IGF2BP1: variants seen among roughly 807,000 people sequenced by gnomAD.
IGF2BP1 encodes insulin-like growth factor 2 mRNA-binding protein 1.
Under a neutral mutation model 74.9 loss-of-function variants are expected in IGF2BP1, and 11 were observed. The observed-to-expected ratio is 0.15, with a 90% CI of 0.09 to 0.24. The LOEUF (loss-of-function observed/expected upper bound fraction) is 0.24. Among genes scored for constraint, IGF2BP1 ranks in the 10% least tolerant of loss-of-function variants. IGF2BP1 has a pLI of 1.00. For synonymous variants in IGF2BP1, 287 were observed against 281.8 expected, an observed-to-expected ratio of 1.02 and a Z score of -0.18; for missense variants, 440 against 757.4, an observed-to-expected ratio of 0.58 and a Z score of 4.92.
intron 14 of IGF2BP1, among the ~76,000 whole-genome samples, chr17:49,046,741 G>C (rs2042112041): frequency 1.3e-5 from 2 of 151,784 alleles, no homozygotes; most frequent in Non-Finnish European, 2.9e-5. Context: ...GATTAGTTTT[G>C]TTCATGGAAT....
At chr17:49,005,093 G>C (rs1171132255) in intron 2 of IGF2BP1, among the ~76,000 whole-genome samples, 3 of 152,158 alleles carry the variant, frequency 2.0e-5, no homozygotes, top group African/African-American at 7.2e-5. Context: ...ATTTATTGCA[G>C]AGCCTGCTTT....
chr17:49,043,931 T>TG (rs1258322799), intron 10 of IGF2BP1, 36 bp from the exon 11 acceptor site: 1 of 1,609,356 alleles, frequency 6.2e-7, no homozygotes, highest in South Asian at 1.1e-5. Context: ...CCATGCTACT[T>TG]GGGCCCCCTG....
At position 49,025,304 on chromosome 17, in the gene IGF2BP1, GACAA is replaced by G. The variant is rs1211737019; in HGVS notation, c.237-308_237-305del. Among the ~76,000 whole-genome samples the G allele has an allele frequency of 5.2e-4, 74 of 143,072 alleles. 1 individual carries two copies. The highest frequency in any genetic ancestry group is 4.1e-3 in the East Asian group (20 of 4,838). 93.9% of individuals were successfully genotyped at this position (143,072 alleles called of 152,430 possible). A position where few individuals can be genotyped will look rare whatever the true frequency, so the allele number is the denominator to read the frequency against. On this transcript the variant is annotated intron_variant, in intron 2 of 14. Coordinates refer to ENST00000290341, the MANE Select transcript of IGF2BP1 (RefSeq NM_006546.4). ...GAATAAAGGAATGAGAAAGTGGTGG[GACAA>G]ACAAAGTGTGTGTGTGTGTGTGTGT...
At chr17:49,016,785 G>A (rs1311186171) in intron 2 of IGF2BP1, among the ~76,000 whole-genome samples, 4 of 139,414 alleles carry the variant, frequency 2.9e-5, no homozygotes, top group South Asian at 4.9e-4. Context: ...TCGACAGCCC[G>A]CCAGCCCGCC....
chr17:49,001,394 C>T (rs988517875), intron 2 of IGF2BP1, among the ~76,000 whole-genome samples: 1 of 152,102 alleles, frequency 6.6e-6, no homozygotes, highest in Non-Finnish European at 1.5e-5. Flanking sequence ...CATTCAGTTC[C>T]AAATGAACTA....
At chr17:49,020,182 T>TA (rs1162994199) in intron 2 of IGF2BP1, among the ~76,000 whole-genome samples, 2 of 151,606 alleles carry the variant, frequency 1.3e-5, no homozygotes, top group African/African-American at 4.9e-5. Context: ...TAGCTGGGGT[T>TA]ACAGGTGTGC....
rs1192002788 is a variant in IGF2BP1, at chr17:49,050,713, TA to T, written c.*1275del. ...TTATCAGCATGATGAAAGGTGTGTC[TA>T]AAAAACAATTCAGAATACCAGCAGC... On this transcript the variant is annotated 3_prime_UTR_variant, in exon 15 of 15. Transcript: ENST00000290341. The T allele has an allele frequency of 6.6e-6, 1 of 152,290 alleles. No homozygotes were observed. The highest frequency in any genetic ancestry group is 1.5e-5 in the Non-Finnish European group (1 of 68,034). The allele number at this position is 152,290 out of a possible 1,614,324, so 9.4% of individuals were successfully genotyped here.
In IGF2BP1 at chr17:49,010,786, A is replaced by T. The variant is rs140897658; in HGVS notation, c.236+11617A>T. ...CCAGCATTTTCACTTTAAATCCAGG[A>T]AAAACTGAGAGTACAGAGTCCAGGA... On this transcript the variant is annotated intron_variant, in intron 2 of 14. Coordinates refer to ENST00000290341, the MANE Select transcript of IGF2BP1 (RefSeq NM_006546.4). Among the ~76,000 whole-genome samples the T allele has an allele frequency of 1.4e-3, 218 of 152,194 alleles. 2 individuals are homozygous for T. The highest frequency in any genetic ancestry group is 5.1e-3 in the African/African-American group (210 of 41,526).
At chr17:49,036,743 A>C (rs1598152787) in intron 5 of IGF2BP1, 1 of 152,686 alleles carries the variant, frequency 6.5e-6, no homozygotes, top group Admixed American at 6.5e-5. Flanking sequence ...TGAGGTCGGG[A>C]GTTGGAGACC....
intron 2 of IGF2BP1, among the ~76,000 whole-genome samples, chr17:49,021,433 T>TA (rs2041791105): frequency 6.6e-6 from 1 of 152,160 alleles, no homozygotes; most frequent in Non-Finnish European, 1.5e-5. Flanking sequence ...TTGTGGCTCT[T>TA]ATGCCTCCTC....
At chr17:49,009,379 T>TTC (rs397757551) in intron 2 of IGF2BP1, among the ~76,000 whole-genome samples, 2 of 151,576 alleles carry the variant, frequency 1.3e-5, no homozygotes, top group African/African-American at 4.9e-5. Context: ...TTTGGAAACT[T>TTC]AGGTTTTTCT....
intron 2 of IGF2BP1, chr17:49,018,153 G>C (rs142240904): frequency 6.6e-6 from 1 of 152,352 alleles, no homozygotes; most frequent in East Asian, 1.9e-4. Flanking sequence ...CATGTAATTA[G>C]TGGCTCTTGT....
At chr17:49,034,239 A>G (rs897499254) in intron 5 of IGF2BP1, among the ~76,000 whole-genome samples, 1 of 149,380 alleles carries the variant, frequency 6.7e-6, no homozygotes, top group African/African-American at 2.5e-5. Flanking sequence ...CCTCCCGAGT[A>G]GTTGGGACTA....
intron 4 of IGF2BP1, among the ~76,000 whole-genome samples, chr17:49,027,950 C>A (rs2041878465): frequency 6.7e-6 from 1 of 149,054 alleles, no homozygotes; most frequent in Non-Finnish European, 1.5e-5. Flanking sequence ...GTGGGCAGAT[C>A]TCTTGAGCCA....
intron 2 of IGF2BP1, among the ~76,000 whole-genome samples, chr17:49,005,978 C>T (rs2041547699): frequency 6.6e-6 from 1 of 152,152 alleles, no homozygotes; most frequent in Non-Finnish European, 1.5e-5. Context: ...CAGAGAATTG[C>T]TTAAATCTGA....
At chr17:49,013,268 A>G (rs1459552028) in intron 2 of IGF2BP1, among the ~76,000 whole-genome samples, 2 of 152,160 alleles carry the variant, frequency 1.3e-5, no homozygotes, top group Non-Finnish European at 2.9e-5. Context: ...TATGACTTCT[A>G]TTGTGACTTT....
In IGF2BP1 at chr17:49,043,570, A is replaced by G. The variant is rs1372661511; in HGVS notation, c.1200+20A>G. 1.2e-6 allele frequency: 2 copies of G among 1,612,632 alleles called. No individual in the cohort carries two copies. The highest frequency in any genetic ancestry group is 1.7e-6 in the Non-Finnish European group (2 of 1,178,984). ...TTTATGGTAGGTGGAAGATCTTATT[A>G]CACGGGATCCCTGGGCCCATATGTG... On this transcript the variant is annotated intron_variant, in intron 10 of 14. Transcript: ENST00000290341.
chr17:49,009,262 TC>T (rs1358603486), intron 2 of IGF2BP1, among the ~76,000 whole-genome samples: 2 of 151,956 alleles, frequency 1.3e-5, no homozygotes, highest in African/African-American at 4.8e-5. Flanking sequence ...GCACCTGACT[TC>T]AGGTGATCTG....
At chr17:49,014,887 C>T in intron 2 of IGF2BP1, 2 of 985,332 alleles carry the variant, frequency 2.0e-6, no homozygotes, top group Non-Finnish European at 2.4e-6. Context: ...GGTTTCCTCT[C>T]CTGGCTCCTG....
Sources: gnomAD v4.1 joint callset for allele counts (sites outside exome capture counted in the v4.1 genomes callset) on GRCh38, gnomAD v4.1.1 for gene constraint, MANE v1.5 for transcripts, NCBI Gene and HGNC (gene_info 2026-07-23, HGNC 2026-07-21) for gene names.